The following UNC13C variants were observed in gnomAD, a reference collection of about 807,000 sequenced individuals.
The protein encoded by UNC13C is protein unc-13 homolog C.
UNC13C carries 174 observed loss-of-function variants against 245.4 expected under a neutral mutation model. That is an observed-to-expected ratio of 0.71 (90% CI 0.63 to 0.80). UNC13C has a LOEUF of 0.80. Ranked by LOEUF, UNC13C falls within the 30% of genes least tolerant of loss-of-function variation. The pLI is 0.00. For missense variants in UNC13C, 2,829 were observed against 2,602.9 expected (o/e 1.09, Z -1.89); for synonymous variants, 992 against 895.1 (o/e 1.11, Z -1.93).
At chr15:54,322,171 A>G (rs1441504462) in intron 14 of UNC13C, 76 bp downstream of exon 14, 4 of 1,362,968 alleles carry the variant, frequency 2.9e-6, no homozygotes, top group South Asian at 1.6e-5. Flanking sequence ...TGAACTTAAG[A>G]TATTCCTGGA....
Position 54,462,810 on chromosome 15 carries a change from T to C in UNC13C, c.4934-31798T>C, listed in dbSNP as rs530336202. ...CCCTGCTCCACAGCGTCTGGTCCCA[T>C]CAACCACCCAAGGGCTGAGGAGTGC... On this transcript the variant is annotated intron_variant, in intron 19 of 32. Transcript: ENST00000260323. Among the ~76,000 whole-genome samples the C allele has an allele frequency of 6.6e-5, 10 of 152,246 alleles. No homozygotes were observed. In the East Asian group the frequency reaches 2.0e-3, roughly 30 times the overall value.
intron 18 of UNC13C, among the ~76,000 whole-genome samples, chr15:54,406,003 A>G (rs1034963298): frequency 6.6e-6 from 1 of 151,024 alleles, no homozygotes; most frequent in African/African-American, 2.4e-5. Flanking sequence ...GTGGGGGGGG[A>G]AAGAATATCT....
intron 4 of UNC13C, among the ~76,000 whole-genome samples, chr15:54,217,536 G>A (rs1296397295): frequency 2.0e-5 from 3 of 151,934 alleles, no homozygotes; most frequent in Non-Finnish European, 4.4e-5. Context: ...CCTTAGTTTG[G>A]ATGATTGTAA....
intron 26 of UNC13C, among the ~76,000 whole-genome samples, chr15:54,536,839 T>C (rs563815127): frequency 6.6e-6 from 1 of 152,034 alleles, no homozygotes; most frequent in East Asian, 1.9e-4. Context: ...TTCAAAATAA[T>C]AAGAACCATC....
the UNC13C span, among the ~76,000 whole-genome samples, chr15:53,849,434 TA>T: frequency 1.3e-5 from 2 of 152,114 alleles, no homozygotes; most frequent in Non-Finnish European, 2.9e-5. Context: ...AATAATATTA[TA>T]AAACTTCCTT....
chr15:54,375,863 T>C (rs2039595918), intron 17 of UNC13C, among the ~76,000 whole-genome samples: 1 of 152,210 alleles, frequency 6.6e-6, no homozygotes, highest in African/African-American at 2.4e-5. Context: ...TCTTGACCCA[T>C]TAAAACTGTG....
chr15:53,933,659 G>A, the UNC13C span, among the ~76,000 whole-genome samples: 2 of 152,166 alleles, frequency 1.3e-5, no homozygotes, highest in African/African-American at 2.4e-5. Context: ...CTGAACCACT[G>A]TAGCTCCCTG....
chr15:54,244,580 A>G (rs1235846485), intron 7 of UNC13C, among the ~76,000 whole-genome samples: 1 of 152,226 alleles, frequency 6.6e-6, no homozygotes, highest in Non-Finnish European at 1.5e-5. Context: ...CATTTTCACA[A>G]TATTGATTCT....
At chr15:53,896,389 G>A in the UNC13C span, among the ~76,000 whole-genome samples, 2 of 152,040 alleles carry the variant, frequency 1.3e-5, no homozygotes, top group Non-Finnish European at 2.9e-5. Flanking sequence ...GTGCTCTTCT[G>A]GTTCAATTTA....
intron 17 of UNC13C, among the ~76,000 whole-genome samples, chr15:54,359,739 C>T (rs1022446401): frequency 1.3e-5 from 2 of 151,792 alleles, no homozygotes; most frequent in African/African-American, 4.8e-5. Flanking sequence ...TGAGTCTTCT[C>T]TCTTTTGTAC....
At chr15:54,397,210 TAATC>T (rs929683956) in intron 18 of UNC13C, among the ~76,000 whole-genome samples, 2 of 151,558 alleles carry the variant, frequency 1.3e-5, no homozygotes, top group African/African-American at 4.8e-5. Flanking sequence ...ACTGGTGTGA[TAATC>T]AAGTTTAACT....
At chr15:53,985,065 C>T (rs915043576) in intron 1 of UNC13C, among the ~76,000 whole-genome samples, 7 of 151,642 alleles carry the variant, frequency 4.6e-5, no homozygotes, top group African/African-American at 1.7e-4. Flanking sequence ...GTTTGCTGCA[C>T]CTATTGACCC....
rs1269881261 is a variant in UNC13C at position 54,321,986 on chromosome 15, C to A, written c.4316C>A (p.Ala1439Asp). 11 of 1,587,310 alleles carry A rather than the reference C, an allele frequency of 6.9e-6. No homozygotes were observed. Among genetic ancestry groups the A allele is most frequent in the Non-Finnish European group, 9.4e-6 (11 of 1,165,444 alleles). ...SSKYMCPGVP[A>D]VMSTLLANIN... ...AAATACATGTGCCCCGGTGTCCCTG[C>A]CGTCATGAGCACCTTGCTGGCTAAT... Residue 1439 changes from alanine (A) to aspartate (D), a missense_variant, in exon 14 of 33, where the codon GCC (alanine) becomes GAC (aspartate). Physicochemically the swap from Ala to Asp is moderately radical, Grantham distance 126. Coordinates refer to ENST00000260323, the MANE Select transcript of UNC13C (RefSeq NM_001080534.3).
intron 17 of UNC13C, 69 bp from the exon 18 acceptor site, chr15:54,392,979 A>G: frequency 1.4e-6 from 2 of 1,405,342 alleles, no homozygotes; most frequent in Non-Finnish European, 1.9e-6. Context: ...CTTCTATTTG[A>G]CAGTGACATC....
In UNC13C at chr15:54,518,192, GT is replaced by G. The variant is rs538683695; in HGVS notation, c.5457+6365del. 7.2e-5 allele frequency among the ~76,000 whole-genome samples: 11 copies of G among 152,300 alleles called. No homozygotes were observed. In the East Asian group the frequency reaches 2.1e-3, roughly 29 times the overall value. On this transcript the variant is annotated intron_variant, in intron 24 of 32. Coordinates refer to ENST00000260323, the MANE Select transcript of UNC13C (RefSeq NM_001080534.3). The stretch of plus-strand genomic sequence containing the variant: ...TATATTAAAGTGATTTAATAAATAT[GT>G]TTAATAATTTAGCACTACTACCACA...
chr15:54,038,854 A>G (rs1380543464), intron 2 of UNC13C, among the ~76,000 whole-genome samples: 1 of 152,186 alleles, frequency 6.6e-6, no homozygotes, highest in Non-Finnish European at 1.5e-5. Context: ...TTCCATTTTT[A>G]CATAAATAAT....
intron 18 of UNC13C, among the ~76,000 whole-genome samples, chr15:54,400,674 C>G (rs539651286): frequency 1.3e-5 from 2 of 152,246 alleles, no homozygotes; most frequent in Admixed American, 1.3e-4. Context: ...CTTCATCAAC[C>G]TTTCCTATAA....
chr15:53,882,875 A>G, the UNC13C span, among the ~76,000 whole-genome samples: 2 of 152,180 alleles, frequency 1.3e-5, no homozygotes, highest in Non-Finnish European at 2.9e-5. Flanking sequence ...TTTTGGAACA[A>G]CACACACTGG....
At chr15:54,465,260 A>G (rs1246578148) in intron 19 of UNC13C, among the ~76,000 whole-genome samples, 1 of 152,086 alleles carries the variant, frequency 6.6e-6, no homozygotes, top group Admixed American at 6.5e-5. Context: ...AATACAGTCA[A>G]TCGATCATCA....
Sources: gnomAD v4.1 joint callset for allele counts (sites outside exome capture counted in the v4.1 genomes callset) on GRCh38, gnomAD v4.1.1 for gene constraint, MANE v1.5 for transcripts, NCBI Gene and HGNC (gene_info 2026-07-23, HGNC 2026-07-21) for gene names.